OR11H4: variants seen among roughly 807,000 people sequenced by gnomAD.
The protein encoded by OR11H4 is olfactory receptor family 11 subfamily H member 4, also known as olfactory receptor 11H4.
For missense variants in OR11H4, 460 were observed against 371.1 expected (o/e 1.24, Z -1.97); for synonymous variants, 162 against 142.3 (o/e 1.14, Z -0.98).
intron 1 of OR11H4, chr14:20,242,594 G>T (rs988826722): frequency 1.7e-6 from 1 of 585,922 alleles, no homozygotes; most frequent in Admixed American, 3.0e-5. Context: ...AAAAATTCTA[G>T]CTGCATTGGA....
chr14:20,243,266 T>A lies in OR11H4; in HGVS notation c.445T>A (p.Trp149Arg). The stretch of plus-strand genomic sequence containing the variant: ...CTGTGGTAAGCTGGTGTCTTTCTGT[T>A]GGCTTATTGGATTCCTTGGATACCC... ...RFCGKLVSFCWLIGFLGYPIP... is the reference protein window; with the variant it reads ...RFCGKLVSFCRLIGFLGYPIP... The change falls in exon 2 of 2, where the codon TGG (tryptophan) becomes AGG (arginine). Residue 149 changes from tryptophan to arginine, a missense_variant. Physicochemically the swap from Trp to Arg is moderately radical, Grantham distance 101. Coordinates refer to ENST00000641082, the MANE Select transcript of OR11H4 (RefSeq NM_001004479.2). 1 of 1,614,202 alleles carries A rather than the reference T, an allele frequency of 6.2e-7. No individual in the cohort carries two copies. The highest frequency in any genetic ancestry group is 8.5e-7 in the Non-Finnish European group (1 of 1,180,038).
At position 20,243,995 on chromosome 14, in the gene OR11H4, A is replaced by G. The variant is rs1224271559; in HGVS notation, c.*229A>G. ...AGCCTGTCTTTATTAGAATGATAAA[A>G]TGGAATTTCTACATGAGATGCCCTC... On this transcript the variant is annotated 3_prime_UTR_variant, in exon 2 of 2. Coordinates refer to ENST00000641082, the MANE Select transcript of OR11H4 (RefSeq NM_001004479.2). 2.6e-6 allele frequency: 1 copy of G among 387,448 alleles called. No homozygotes were observed. The highest frequency in any genetic ancestry group is 4.6e-6 in the Non-Finnish European group (1 of 218,284). The allele number at this position is 387,448 out of a possible 1,614,324, so 24.0% of individuals were successfully genotyped here.
At chr14:20,239,710 G>GAAAAA (rs1594241769) in intron 1 of OR11H4, among the ~76,000 whole-genome samples, 1 of 151,724 alleles carries the variant, frequency 6.6e-6, no homozygotes, top group Admixed American at 6.6e-5. Context: ...AAAAGAAAAA[G>GAAAAA]AAAAAGAAAG....
intron 1 of OR11H4, 121 bp from the exon 2 acceptor site, chr14:20,242,690 T>G (rs1376592625): frequency 2.2e-5 from 25 of 1,119,242 alleles, no homozygotes; most frequent in African/African-American, 1.1e-4. Flanking sequence ...TCTCAGATTA[T>G]CTCATGTATT....
At position 20,243,492 on chromosome 14, in the gene OR11H4, C is replaced by T. The variant is rs1255474866; in HGVS notation, c.671C>T (p.Ala224Val). Residue 224 changes from alanine to valine, a missense_variant, in exon 2 of 2, where the codon GCT (alanine) becomes GTT (valine). Coordinates refer to ENST00000641082, the MANE Select transcript of OR11H4 (RefSeq NM_001004479.2). ...ILRSYILLLT[A>V]VFQVPSAAGR... ...CGATCCTATATCCTGTTACTAACAG[C>T]TGTTTTTCAGGTCCCTTCTGCAGCT... 1.2e-6 allele frequency: 2 copies of T among 1,613,918 alleles called. No individual in the cohort carries two copies. The highest frequency in any genetic ancestry group is 4.5e-5 in the East Asian group (2 of 44,884).
At position 20,243,257 on chromosome 14, in the gene OR11H4, T is replaced by G. The variant is rs1360033746; in HGVS notation, c.436T>G (p.Ser146Ala). Reference protein sequence around the residue: ...MTVRFCGKLVSFCWLIGFLGY... With the variant: ...MTVRFCGKLVAFCWLIGFLGY... The stretch of plus-strand genomic sequence containing the variant: ...TGTAAGGTTCTGTGGTAAGCTGGTG[T>G]CTTTCTGTTGGCTTATTGGATTCCT... Residue 146 changes from serine (S) to alanine (A), a missense_variant, in exon 2 of 2, where the codon TCT becomes GCT. Coordinates refer to ENST00000641082, the MANE Select transcript of OR11H4 (RefSeq NM_001004479.2). 1 of 1,614,050 alleles carries G rather than the reference T, an allele frequency of 6.2e-7. No individual in the cohort carries two copies. Among genetic ancestry groups the G allele is most frequent in the African/African-American group, 1.3e-5 (1 of 74,920 alleles).
rs138285513 is a variant in OR11H4, at chr14:20,243,074, A to T, written c.253A>T (p.Ile85Phe). 36 of 1,614,000 alleles carry T rather than the reference A, an allele frequency of 2.2e-5. No homozygotes were observed. The African/African-American group carries it at 4.7e-4, about 21-fold the overall frequency. Residue 85 changes from isoleucine (I) to phenylalanine (F), a missense_variant, in exon 2 of 2, where the codon ATT becomes TTT. Transcript: ENST00000641082. ...SSTIPNMLVN[I>F]LSKTKAISFS... ...CACTATTCCTAACATGCTAGTCAAC[A>T]TTCTCTCCAAGACCAAGGCCATCTC...
rs114691141 is a variant in OR11H4, at chr14:20,241,045, C to T, written c.-12+1714C>T. Among the ~76,000 whole-genome samples the T allele has an allele frequency of 3.6e-3, 548 of 152,062 alleles. 3 individuals carry two copies. The highest frequency in any genetic ancestry group is 0.013 in the African/African-American group (526 of 41,496). On this transcript the variant is annotated intron_variant, in intron 1 of 1. Coordinates refer to ENST00000641082, the MANE Select transcript of OR11H4 (RefSeq NM_001004479.2). ...AATATTTGAAAATGTCCTTACCTTCCTTTCAGTAAACAAAATTCTAATACA... is the reference window on the plus strand; with the variant it reads ...AATATTTGAAAATGTCCTTACCTTCTTTTCAGTAAACAAAATTCTAATACA...
chr14:20,240,892 T>A (rs1337986967), intron 1 of OR11H4, among the ~76,000 whole-genome samples: 1 of 152,164 alleles, frequency 6.6e-6, no homozygotes, highest in Non-Finnish European at 1.5e-5. Context: ...ACCACTTTTT[T>A]AAGACTTAAT....
intron 1 of OR11H4, among the ~76,000 whole-genome samples, chr14:20,242,011 A>C (rs1335217027): frequency 6.6e-6 from 1 of 152,008 alleles, no homozygotes; most frequent in Non-Finnish European, 1.5e-5. Flanking sequence ...AATTGAACAA[A>C]TGTACAATCG....
intron 1 of OR11H4, among the ~76,000 whole-genome samples, chr14:20,241,339 A>C (rs1274064997): frequency 1.3e-5 from 2 of 151,604 alleles, no homozygotes; most frequent in Admixed American, 6.6e-5. Flanking sequence ...CAGTCAATCT[A>C]TTTTGTTTTG....
chr14:20,241,974 C>G (rs2138750313), intron 1 of OR11H4, among the ~76,000 whole-genome samples: 1 of 152,134 alleles, frequency 6.6e-6, no homozygotes, highest in Non-Finnish European at 1.5e-5. Flanking sequence ...CGCTTCCCAC[C>G]ATAGGGCGGT....
chr14:20,242,248 C>T (rs931743309), intron 1 of OR11H4, among the ~76,000 whole-genome samples: 1 of 152,084 alleles, frequency 6.6e-6, no homozygotes, highest in Non-Finnish European at 1.5e-5. Flanking sequence ...GGCAGAGGTC[C>T]CTGCAGCTTT....
At position 20,243,929 on chromosome 14, in the gene OR11H4, C is replaced by A; in HGVS notation, c.*163C>A. ...TGTTTCCAGCACTGACTCTTTAAAC[C>A]TTAATTAACTGGTCTTCAACATCCA... is the stretch of plus-strand genomic sequence containing the variant. On this transcript the variant is annotated 3_prime_UTR_variant, in exon 2 of 2. Coordinates refer to ENST00000641082, the MANE Select transcript of OR11H4 (RefSeq NM_001004479.2). The A allele has an allele frequency of 1.8e-6, 1 of 569,922 alleles. No homozygotes were observed. The highest frequency in any genetic ancestry group is 2.8e-6 in the Non-Finnish European group (1 of 356,186). The allele number at this position is 569,922 out of a possible 1,614,324, so 35.3% of individuals were successfully genotyped here.
In OR11H4 at chr14:20,243,626, T is replaced by G; in HGVS notation, c.805T>G (p.Leu269Val). The change falls in exon 2 of 2, where the codon TTA (leucine) becomes GTA (valine). Residue 269 changes from leucine (L) to valine (V), a missense_variant. Physicochemically the swap from Leu to Val is conservative, Grantham distance 32. Transcript: ENST00000641082. ...YVSPTYGIPTLLQKILTLVYS... is the reference protein window; with the variant it reads ...YVSPTYGIPTVLQKILTLVYS... ...AAGTCCTACATATGGGATCCCAACT[T>G]TATTGCAGAAGATCCTCACACTGGT... 1 of 1,614,110 alleles carries G rather than the reference T, an allele frequency of 6.2e-7. No individual in the cohort carries two copies. Among genetic ancestry groups the G allele is most frequent in the Non-Finnish European group, 8.5e-7 (1 of 1,179,980 alleles).
chr14:20,241,251 T>TA (rs1311854744), intron 1 of OR11H4, among the ~76,000 whole-genome samples: 11 of 152,300 alleles, frequency 7.2e-5, no homozygotes, highest in African/African-American at 1.4e-4. Flanking sequence ...ATAGTATGTG[T>TA]AAAAAACATA....
chr14:20,242,615 T>G, intron 1 of OR11H4, 196 bp from the exon 2 acceptor site: 2 of 620,096 alleles, frequency 3.2e-6, no homozygotes, highest in South Asian at 4.2e-5. Flanking sequence ...TTGCATTGGA[T>G]TCTAGCAAAA....
rs759805192 is a variant in OR11H4 at position 20,243,456 on chromosome 14, T to C, written c.635T>C (p.Met212Thr). 3.1e-6 allele frequency: 5 copies of C among 1,613,920 alleles called. No homozygotes were observed. In the Admixed American group the frequency reaches 6.7e-5, roughly 22 times the overall value. ...QSSLVLFFTS[M>T]YILRSYILLL... Reference sequence around the variant, plus strand: ...TCCCTTGTCCTCTTTTTCACTAGTATGTACATTCTTCGATCCTATATCCTG... The same window carrying C: ...TCCCTTGTCCTCTTTTTCACTAGTACGTACATTCTTCGATCCTATATCCTG... Residue 212 changes from methionine (M) to threonine (T), a missense_variant, in exon 2 of 2, where the codon ATG becomes ACG. Physicochemically the swap from Met to Thr is moderately conservative, Grantham distance 81 (BLOSUM62 -1). Transcript: ENST00000641082.
At chr14:20,241,137 G>A (rs1022125951) in intron 1 of OR11H4, among the ~76,000 whole-genome samples, 9 of 151,834 alleles carry the variant, frequency 5.9e-5, no homozygotes, top group South Asian at 2.1e-4. Flanking sequence ...TTTCACCACC[G>A]AAAAAGCTCA....
Sources: gnomAD v4.1 joint callset for allele counts (sites outside exome capture counted in the v4.1 genomes callset) on GRCh38, gnomAD v4.1.1 for gene constraint, MANE v1.5 for transcripts, NCBI Gene and HGNC (gene_info 2026-07-23, HGNC 2026-07-21) for gene names.